FGD4: variants seen among roughly 807,000 people sequenced by gnomAD.
The protein encoded by FGD4 is FYVE, RhoGEF and PH domain containing 4.
Under a neutral mutation model 102.0 loss-of-function variants are expected in FGD4, and 42 were observed. The ratio of observed to expected loss-of-function variants is 0.41; its 90% CI spans 0.32 to 0.53. The LOEUF (loss-of-function observed/expected upper bound fraction) is 0.53, where lower values mean the gene tolerates loss of function less well. Ranked by LOEUF, FGD4 falls within the 20% of genes least tolerant of loss-of-function variation. The pLI is 0.21. For synonymous variants in FGD4, 380 were observed against 375.7 expected (o/e 1.01, Z -0.13); for missense variants, 902 against 1,078.2 (o/e 0.84, Z 2.29).
intron 1 of FGD4, among the ~76,000 whole-genome samples, chr12:32,496,001 T>C (rs575052614): frequency 4.6e-5 from 7 of 152,286 alleles, no homozygotes; most frequent in African/African-American, 1.7e-4. Context: ...GGGTTTGGGC[T>C]TGGGGTAGAA....
At chr12:32,475,765 C>A (rs7954974) in intron 1 of FGD4, among the ~76,000 whole-genome samples, 50,863 of 152,104 alleles carry the variant, frequency 0.33, 9,140 homozygotes, top group East Asian at 0.46. Flanking sequence ...AAGGATCTTA[C>A]CACCACATCC....
At chr12:32,630,574 G>A (rs1232242229) in intron 14 of FGD4, among the ~76,000 whole-genome samples, 1 of 152,144 alleles carries the variant, frequency 6.6e-6, no homozygotes, top group African/African-American at 2.4e-5. Flanking sequence ...CAGCACTTTA[G>A]GAGGCCGAGG....
At position 32,640,493 on chromosome 12, in the gene FGD4, T is replaced by G. The variant is rs369636777; in HGVS notation, c.2672T>G (p.Leu891Trp). 2 of 1,614,024 alleles carry G rather than the reference T, an allele frequency of 1.2e-6. No individual in the cohort carries two copies. The highest frequency in any genetic ancestry group is 8.5e-7 in the Non-Finnish European group (1 of 1,180,038). ...GGTCCAAATGAGCATCCAGCCACCT[T>G]GGATGATCATCCTGAACCTAAGAAA... ...PGGPNEHPATLDDHPEPKKKS... is the reference protein window; with the variant it reads ...PGGPNEHPATWDDHPEPKKKS... The change falls in exon 17 of 17, where the codon TTG becomes TGG. Residue 891 changes from leucine (L) to tryptophan (W), a missense_variant. By Grantham distance (61) the Leu-to-Trp change is moderately conservative. Coordinates refer to ENST00000534526, the MANE Select transcript of FGD4 (RefSeq NM_001370298.3).
At chr12:32,562,822 C>T (rs929918064) in intron 1 of FGD4, among the ~76,000 whole-genome samples, 1 of 152,230 alleles carries the variant, frequency 6.6e-6, no homozygotes, top group Non-Finnish European at 1.5e-5. Context: ...TCTTTCTACA[C>T]AGACACGGCA....
chr12:32,418,970 G>A (rs1941529521), intron 1 of FGD4, among the ~76,000 whole-genome samples: 1 of 152,198 alleles, frequency 6.6e-6, no homozygotes, highest in Non-Finnish European at 1.5e-5. Context: ...TCCACGGGCA[G>A]AAGATCCTCT....
chr12:32,593,857 T>G (rs1947668503), intron 4 of FGD4, among the ~76,000 whole-genome samples: 1 of 152,192 alleles, frequency 6.6e-6, no homozygotes, highest in African/African-American at 2.4e-5. Flanking sequence ...AACCAAGGTC[T>G]TGAAAAGAAT....
chr12:32,528,628 C>T (rs761385993), intron 1 of FGD4, among the ~76,000 whole-genome samples: 7 of 152,114 alleles, frequency 4.6e-5, no homozygotes, highest in Non-Finnish European at 7.4e-5. Context: ...TGACCTCAGG[C>T]GATCTGCCTG....
chr12:32,509,570 C>T (rs910432466), intron 1 of FGD4, among the ~76,000 whole-genome samples: 10 of 152,212 alleles, frequency 6.6e-5, no homozygotes, highest in Non-Finnish European at 1.5e-5. Context: ...CCCTTGTATA[C>T]TTCAGATGAC....
At chr12:32,631,368 G>A (rs1262753286) in intron 14 of FGD4, among the ~76,000 whole-genome samples, 1 of 152,102 alleles carries the variant, frequency 6.6e-6, no homozygotes, top group African/African-American at 2.4e-5. Flanking sequence ...TGTCATGAGT[G>A]AATATATTAT....
intron 1 of FGD4, among the ~76,000 whole-genome samples, chr12:32,501,560 C>T (rs1301693776): frequency 1.3e-5 from 2 of 152,038 alleles, no homozygotes; most frequent in South Asian, 2.1e-4. Context: ...AATCCAGCAC[C>T]GCCTCTCCCC....
At chr12:32,474,845 G>A (rs564392778) in intron 1 of FGD4, among the ~76,000 whole-genome samples, 5 of 152,168 alleles carry the variant, frequency 3.3e-5, no homozygotes, top group South Asian at 4.2e-4. Context: ...TTGAGGCTGC[G>A]GTGAGCCGTG....
intron 1 of FGD4, among the ~76,000 whole-genome samples, chr12:32,410,021 A>T (rs1941131090): frequency 6.6e-6 from 1 of 151,718 alleles, no homozygotes; most frequent in Admixed American, 6.6e-5. Context: ...AAAAAAAAAA[A>T]AAAAGTCAAG....
chr12:32,560,514 G>A (rs1027247164), intron 1 of FGD4, among the ~76,000 whole-genome samples: 1 of 151,974 alleles, frequency 6.6e-6, no homozygotes, highest in African/African-American at 2.4e-5. Flanking sequence ...CCTCAGCCTC[G>A]CAAAGTGTTG....
chr12:32,462,519 G>T lies in FGD4; in HGVS notation c.166+62560G>T, dbSNP rs542727055. Among the ~76,000 whole-genome samples the T allele has an allele frequency of 5.3e-5, 8 of 152,114 alleles. No individual in the cohort carries two copies. The South Asian group carries it at 1.5e-3, about 28-fold the overall frequency. On this transcript the variant is annotated intron_variant, in intron 1 of 16. Transcript: ENST00000534526. The stretch of plus-strand genomic sequence containing the variant: ...ACACTGTGTGTATGTGTGTGAGTGT[G>T]CTTGTATGTGTGTTTGAAATAAAAT...
chr12:32,562,842 C>T lies in FGD4; in HGVS notation c.167-1295C>T, dbSNP rs375246428. 6.5e-3 allele frequency among the ~76,000 whole-genome samples: 989 copies of T among 152,320 alleles called. 13 individuals carry two copies. Among genetic ancestry groups the T allele is most frequent in the African/African-American group, 0.021 (854 of 41,568 alleles). On this transcript the variant is annotated intron_variant, in intron 1 of 16. Coordinates refer to ENST00000534526, the MANE Select transcript of FGD4 (RefSeq NM_001370298.3). Reference sequence around the variant, plus strand: ...CTACACAGACACGGCAACCATCCGACTTCTCAATCTTTTCCCCACCTTTCC... The same window carrying T: ...CTACACAGACACGGCAACCATCCGATTTCTCAATCTTTTCCCCACCTTTCC...
At chr12:32,638,611 G>T in intron 15 of FGD4, 44 bp from the exon 16 acceptor site, 1 of 1,610,492 alleles carries the variant, frequency 6.2e-7, no homozygotes, top group South Asian at 1.1e-5. Context: ...TTCTCTATCT[G>T]ATTTGTTGTG....
intron 7 of FGD4, among the ~76,000 whole-genome samples, chr12:32,603,108 A>G (rs1441385443): frequency 3.3e-5 from 5 of 152,240 alleles, no homozygotes; most frequent in African/African-American, 9.6e-5. Flanking sequence ...GCTCTGTGCT[A>G]TTAGTGTCCT....
chr12:32,623,964 A>G (rs1397232940), intron 11 of FGD4, among the ~76,000 whole-genome samples: 7 of 152,186 alleles, frequency 4.6e-5, no homozygotes. Context: ...TGTTTATCAA[A>G]GGAAATGTTA....
intron 1 of FGD4, among the ~76,000 whole-genome samples, chr12:32,416,445 T>C (rs1186123215): frequency 6.6e-6 from 1 of 152,244 alleles, no homozygotes; most frequent in African/African-American, 2.4e-5. Context: ...GTCTTCCTTT[T>C]AGTGAAGATG....
Sources: gnomAD v4.1 joint callset for allele counts (sites outside exome capture counted in the v4.1 genomes callset) on GRCh38, gnomAD v4.1.1 for gene constraint, MANE v1.5 for transcripts, NCBI Gene and HGNC (gene_info 2026-07-23, HGNC 2026-07-21) for gene names.